AKR1D1: variants seen among roughly 807,000 people sequenced by gnomAD.
AKR1D1 encodes aldo-keto reductase family 1 member D1.
AKR1D1 carries 32 observed loss-of-function variants against 42.6 expected under a neutral mutation model. That is an observed-to-expected ratio of 0.75 (90% CI 0.57 to 1.01). The LOEUF is 1.01. Among genes scored for constraint, AKR1D1 ranks in the 50% least tolerant of loss-of-function variants. AKR1D1 has a pLI of 0.00. For synonymous variants in AKR1D1, 123 were observed against 135.5 expected (o/e 0.91, Z 0.64); for missense variants, 364 against 402.2 (o/e 0.91, Z 0.81).
Position 138,086,004 on chromosome 7 carries a change from G to A in AKR1D1, c.94-2597G>A, listed in dbSNP as rs138673000. Among the ~76,000 whole-genome samples, 645 of 151,970 alleles carry A rather than the reference G, an allele frequency of 4.2e-3. 9 individuals are homozygous for A. The highest frequency in any genetic ancestry group is 0.015 in the African/African-American group (619 of 41,416). The stretch of plus-strand genomic sequence containing the variant: ...GCAGGAGGATCACTTGAGCCCAAGA[G>A]TTTGAGACCAGCATGGGCAACATGG... On this transcript the variant is annotated intron_variant, in intron 1 of 8. Coordinates refer to ENST00000242375, the MANE Select transcript of AKR1D1 (RefSeq NM_005989.4).
chr7:138,104,657 G>C (rs1395785584), intron 4 of AKR1D1, among the ~76,000 whole-genome samples: 2 of 141,670 alleles, frequency 1.4e-5, no homozygotes, highest in Non-Finnish European at 3.0e-5. Context: ...TCTAGCCTGG[G>C]CAACAAGAGC....
At chr7:138,100,017 A>G (rs945536485) in intron 4 of AKR1D1, among the ~76,000 whole-genome samples, 1 of 142,012 alleles carries the variant, frequency 7.0e-6, no homozygotes, top group African/African-American at 2.6e-5. Flanking sequence ...GTTCAAGGCC[A>G]CAGTGTGCTA....
chr7:138,106,761 A>G (rs759500212), intron 6 of AKR1D1, 44 bp downstream of exon 6: 2 of 1,446,984 alleles, frequency 1.4e-6, no homozygotes, highest in Admixed American at 3.3e-5. Context: ...GTAGAGTGTG[A>G]GGCTCATGTG....
intron 1 of AKR1D1, among the ~76,000 whole-genome samples, chr7:138,085,793 G>C (rs946889329): frequency 1.3e-5 from 2 of 151,812 alleles, no homozygotes; most frequent in African/African-American, 4.8e-5. Context: ...CATTTTTTGG[G>C]TTAATCTTCA....
chr7:138,106,475 C>A, intron 5 of AKR1D1, 133 bp from the exon 6 acceptor site: 1 of 723,894 alleles, frequency 1.4e-6, no homozygotes, highest in Non-Finnish European at 2.5e-6. Context: ...CAGACTAGGA[C>A]ACGAAATGTA....
chr7:138,079,844 A>G (rs1456827324), intron 1 of AKR1D1, among the ~76,000 whole-genome samples: 1 of 152,154 alleles, frequency 6.6e-6, no homozygotes, highest in Non-Finnish European at 1.5e-5. Context: ...TCTCTACAGG[A>G]CTCAGCAGCA....
Position 138,091,841 on chromosome 7 carries a change from A to T in AKR1D1, c.335A>T (p.Asp112Val). The change falls in exon 3 of 9, where the codon GAT (aspartate) becomes GTT (valine). Residue 112 changes from aspartate (D) to valine (V), a missense_variant. Coordinates refer to ENST00000242375, the MANE Select transcript of AKR1D1 (RefSeq NM_005989.4). The stretch of plus-strand genomic sequence containing the variant: ...AGGACACTCAGGGTCCTCCAGCTAG[A>T]TTATGTGGATCTTTACATCATTGAA... Reference protein sequence around the residue: ...LERTLRVLQLDYVDLYIIEVP... With the variant: ...LERTLRVLQLVYVDLYIIEVP... 1 of 1,614,092 alleles carries T rather than the reference A, an allele frequency of 6.2e-7. No homozygotes were observed. The highest frequency in any genetic ancestry group is 8.5e-7 in the Non-Finnish European group (1 of 1,179,968).
chr7:138,078,242 G>A (rs567066609), intron 1 of AKR1D1, among the ~76,000 whole-genome samples: 24 of 152,292 alleles, frequency 1.6e-4, no homozygotes, highest in African/African-American at 2.6e-4. Flanking sequence ...AATTATAGGC[G>A]TGAGACACTA....
chr7:138,116,017 CAGG>C (rs1455566653), intron 8 of AKR1D1, among the ~76,000 whole-genome samples: 6 of 152,002 alleles, frequency 3.9e-5, no homozygotes, highest in Non-Finnish European at 8.8e-5. Context: ...TGCTTCAGCC[CAGG>C]AGTTCAGCTT....
chr7:138,088,460 A>G (rs1006673341), intron 1 of AKR1D1, 141 bp from the exon 2 acceptor site: 7 of 1,026,274 alleles, frequency 6.8e-6, no homozygotes, highest in African/African-American at 3.2e-5. Context: ...GCTGAACACC[A>G]TCTTCCAATC....
At chr7:138,114,343 T>C (rs1481354659) in intron 8 of AKR1D1, among the ~76,000 whole-genome samples, 6 of 152,190 alleles carry the variant, frequency 3.9e-5, no homozygotes, top group Non-Finnish European at 8.8e-5. Flanking sequence ...AGTAGCTCTT[T>C]ATTCTCTAAA....
At chr7:138,103,645 C>G (rs1794360437) in intron 4 of AKR1D1, among the ~76,000 whole-genome samples, 1 of 151,690 alleles carries the variant, frequency 6.6e-6, no homozygotes, top group Non-Finnish European at 1.5e-5. Flanking sequence ...AAAAAACACA[C>G]ACTCACCAAA....
At chr7:138,086,408 T>C (rs73155735) in intron 1 of AKR1D1, among the ~76,000 whole-genome samples, 1 of 152,310 alleles carries the variant, frequency 6.6e-6, no homozygotes, top group Non-Finnish European at 1.5e-5. Flanking sequence ...TGTTGTTATT[T>C]AATTAACCAA....
chr7:138,076,476 C>A lies in AKR1D1; in HGVS notation c.-43C>A. 3 of 1,530,636 alleles carry A rather than the reference C, an allele frequency of 2.0e-6. No homozygotes were observed. The highest frequency in any genetic ancestry group is 1.1e-5 in the South Asian group (1 of 89,154). The allele number at this position is 1,530,636 out of a possible 1,614,324, so 94.8% of individuals were successfully genotyped here. A position where few individuals can be genotyped will look rare whatever the true frequency, so the allele number is the denominator to read the frequency against. The stretch of plus-strand genomic sequence containing the variant: ...CCTAGGACACCTTTCTAAAAAGACT[C>A]CCTGTGGTGTTCAGAATCACTCCTA... On this transcript the variant is annotated 5_prime_UTR_variant, in exon 1 of 9. Coordinates refer to ENST00000242375, the MANE Select transcript of AKR1D1 (RefSeq NM_005989.4).
rs555060806 is a variant in AKR1D1 at position 138,105,842 on chromosome 7, G to A, written c.579+413G>A. 7.2e-5 allele frequency among the ~76,000 whole-genome samples: 11 copies of A among 152,072 alleles called. No individual in the cohort carries two copies. The South Asian group carries it at 1.9e-3, about 26-fold the overall frequency. On this transcript the variant is annotated intron_variant, in intron 5 of 8. Transcript: ENST00000242375. ...GGAGGTTGCAGTGAGCCGAGATTGC[G>A]CCACTGCACTCCAGCCTGGGCGACA...
chr7:138,100,088 C>CAAAAAAAAAAAAAAAAAAAAAAAAAAAAA (rs59361346), intron 4 of AKR1D1, among the ~76,000 whole-genome samples: 3 of 43,568 alleles, frequency 6.9e-5, no homozygotes, highest in African/African-American at 9.7e-5. Flanking sequence ...GATTTCATCT[C>CAAAAAAAAAAAAAAAAAAAAAAAAAAAAA]AAAAAAAAAA....
chr7:138,077,666 G>T (rs1802969310), intron 1 of AKR1D1, among the ~76,000 whole-genome samples: 1 of 152,206 alleles, frequency 6.6e-6, no homozygotes, highest in African/African-American at 2.4e-5. Flanking sequence ...CTGATTACGA[G>T]AATAAATAGT....
rs1794213670 is a variant in AKR1D1 at position 138,097,850 on chromosome 7, T to C, written c.379-16T>C. ...AATAAAATGAATTACATTTATTCTT[T>C]TTTTTTTTTTTTCAGCCAGGAGATG... is the stretch of plus-strand genomic sequence containing the variant. On this transcript the variant is annotated splice_polypyrimidine_tract_variant and intron_variant, in intron 3 of 8. Transcript: ENST00000242375. The C allele has an allele frequency of 1.2e-6, 1 of 814,490 alleles. No homozygotes were observed. The highest frequency in any genetic ancestry group is 1.6e-6 in the Non-Finnish European group (1 of 622,774). 50.5% of individuals were successfully genotyped at this position (814,490 alleles called of 1,614,324 possible). A position where few individuals can be genotyped will look rare whatever the true frequency, so the allele number is the denominator to read the frequency against.
chr7:138,108,804 G>A (rs989924420), intron 7 of AKR1D1, among the ~76,000 whole-genome samples: 3 of 152,124 alleles, frequency 2.0e-5, no homozygotes, highest in Admixed American at 2.0e-4. Context: ...TGCATCTTAT[G>A]TGCTCTTACC....
Sources: gnomAD v4.1 joint callset for allele counts (sites outside exome capture counted in the v4.1 genomes callset) on GRCh38, gnomAD v4.1.1 for gene constraint, MANE v1.5 for transcripts, NCBI Gene and HGNC (gene_info 2026-07-23, HGNC 2026-07-21) for gene names.